CYFIP2: variants seen among roughly 807,000 people sequenced by gnomAD.
The protein encoded by CYFIP2 is cytoplasmic FMR1 interacting protein 2.
In CYFIP2, 29 loss-of-function variants were observed where a neutral mutation model predicts 158.7. That is an observed-to-expected ratio of 0.18 (90% CI 0.14 to 0.25). The LOEUF (loss-of-function observed/expected upper bound fraction) is 0.25. Among genes scored for constraint, CYFIP2 ranks in the 10% least tolerant of loss-of-function variants. The pLI is 1.00. For missense variants in CYFIP2, 852 were observed against 1,639.5 expected, an observed-to-expected ratio of 0.52 and a Z score of 8.29; for synonymous variants, 585 against 617.6, an observed-to-expected ratio of 0.95 and a Z score of 0.78.
chr5:157,351,134 C>T (rs543065042), intron 23 of CYFIP2, among the ~76,000 whole-genome samples: 56 of 152,148 alleles, frequency 3.7e-4, no homozygotes, highest in African/African-American at 1.2e-3. Context: ...TTCCAGTTCT[C>T]GGGGGAAATT....
Position 157,327,885 on chromosome 5 carries a change from C to G in CYFIP2, c.2080-88C>G, listed in dbSNP as rs534631958. ...TTCCCCAGAATGCACTCTGGGCAATCCTGCCTGACTGCTGTCTTTCAGTTG... is the reference window on the plus strand; with the variant it reads ...TTCCCCAGAATGCACTCTGGGCAATGCTGCCTGACTGCTGTCTTTCAGTTG... On this transcript the variant is annotated intron_variant, in intron 18 of 30. Transcript: ENST00000620254. 46 of 1,294,358 alleles carry G rather than the reference C, an allele frequency of 3.6e-5. No individual in the cohort carries two copies. The South Asian group carries it at 5.6e-4, about 16-fold the overall frequency. The allele number at this position is 1,294,358 out of a possible 1,614,324, so 80.2% of individuals were successfully genotyped here.
At position 157,389,295 on chromosome 5, in the gene CYFIP2, AC is replaced by A; in HGVS notation, c.3318del (p.Ile1107SerfsTer50). ...ILTRIRSYLQ[D>X]PIWRGPPPTN... ...ACCCGCATTCGGAGCTACCTGCAGG[AC>A]CCCATCTGGCGGGGCCCACCGCCCA... On this transcript the variant is annotated frameshift_variant, in exon 29 of 31. Transcript: ENST00000620254. LOFTEE classifies it high-confidence loss of function. 6.2e-7 allele frequency: 1 copy of A among 1,613,956 alleles called. No homozygotes were observed. The highest frequency in any genetic ancestry group is 8.5e-7 in the Non-Finnish European group (1 of 1,179,888).
intron 26 of CYFIP2, among the ~76,000 whole-genome samples, chr5:157,380,328 G>GT (rs1765925983): frequency 6.6e-6 from 1 of 152,234 alleles, no homozygotes; most frequent in South Asian, 2.1e-4. Context: ...CAAGAAAGGG[G>GT]TCTTTTCAGG....
intron 11 of CYFIP2, among the ~76,000 whole-genome samples, chr5:157,313,218 C>T (rs1204611448): frequency 2.0e-5 from 3 of 152,228 alleles, no homozygotes; most frequent in East Asian, 1.9e-4. Context: ...CTGGTCACAA[C>T]ATTTTCATCA....
rs570907687 is a variant in CYFIP2, at chr5:157,311,087, G to A, written c.993-577G>A. The stretch of plus-strand genomic sequence containing the variant: ...AGAGGGTGGAAAGAGAAGGAGAGAA[G>A]GGGGCGAGAGGTAGAGGGGGTGGGT... On this transcript the variant is annotated intron_variant, in intron 10 of 30. Coordinates refer to ENST00000620254, the MANE Select transcript of CYFIP2 (RefSeq NM_001037333.3). This position sits in a 1 kb window ranked among gnomAD's most constrained non-coding sequence, Gnocchi z 4.7. 2.5e-4 allele frequency: 114 copies of A among 454,646 alleles called. No individual in the cohort carries two copies. The highest frequency in any genetic ancestry group is 7.4e-4 in the Middle Eastern group (2 of 2,718). The allele number at this position is 454,646 out of a possible 1,614,324, so 28.2% of individuals were successfully genotyped here. A position where few individuals can be genotyped will look rare whatever the true frequency, so the allele number is the denominator to read the frequency against.
intron 23 of CYFIP2, among the ~76,000 whole-genome samples, chr5:157,346,921 C>T (rs954874741): frequency 2.6e-5 from 4 of 152,184 alleles, no homozygotes; most frequent in East Asian, 1.9e-4. Flanking sequence ...CATAAAGGGC[C>T]GTCTGGCTTT....
chr5:157,275,904 A>G (rs1371356319), intron 1 of CYFIP2, among the ~76,000 whole-genome samples: 1 of 152,104 alleles, frequency 6.6e-6, no homozygotes, highest in Non-Finnish European at 1.5e-5. Flanking sequence ...ATTATTTTTG[A>G]TGCTACTATA....
chr5:157,325,300 C>T (rs1222020307), intron 16 of CYFIP2, among the ~76,000 whole-genome samples, 182 bp from the exon 17 acceptor site: 1 of 152,092 alleles, frequency 6.6e-6, no homozygotes, highest in Non-Finnish European at 1.5e-5. Context: ...TTAACAAATG[C>T]TTGAGAGGCA....
chr5:157,294,447 G>C (rs572116595), intron 3 of CYFIP2, among the ~76,000 whole-genome samples: 8 of 152,192 alleles, frequency 5.3e-5, no homozygotes, highest in African/African-American at 1.9e-4. Context: ...TTTGCTACTT[G>C]CTTATTTTCT....
chr5:157,393,071 C>T lies in CYFIP2; in HGVS notation c.*71C>T. 1 of 1,557,758 alleles carries T rather than the reference C, an allele frequency of 6.4e-7. No individual in the cohort carries two copies. The highest frequency in any genetic ancestry group is 8.7e-7 in the Non-Finnish European group (1 of 1,148,628). On this transcript the variant is annotated 3_prime_UTR_variant, in exon 31 of 31. Coordinates refer to ENST00000620254, the MANE Select transcript of CYFIP2 (RefSeq NM_001037333.3). ...GAGAGAGAAAGCCACAGCCAGCCTG[C>T]CATAGGATCCAACTGGACAACGTGT... is the stretch of plus-strand genomic sequence containing the variant.
At chr5:157,337,844 G>A (rs1213116562) in intron 21 of CYFIP2, among the ~76,000 whole-genome samples, 1 of 152,202 alleles carries the variant, frequency 6.6e-6, no homozygotes, top group Non-Finnish European at 1.5e-5. Context: ...CACAGCTCTT[G>A]CATCCTTGTT....
chr5:157,339,054 C>A lies in CYFIP2; in HGVS notation c.2386-3C>A. On this transcript the variant is annotated splice_region_variant and splice_polypyrimidine_tract_variant and intron_variant, in intron 21 of 30. Coordinates refer to ENST00000620254, the MANE Select transcript of CYFIP2 (RefSeq NM_001037333.3). ...AGCAGTTGTGGGCTCTCTCTCTGTA[C>A]AGGAGCTGGAGTGGCTGCTGGAGAT... is the stretch of plus-strand genomic sequence containing the variant. 1 of 1,609,286 alleles carries A rather than the reference C, an allele frequency of 6.2e-7. No homozygotes were observed. Among genetic ancestry groups the A allele is most frequent in the South Asian group, 1.1e-5 (1 of 90,280 alleles).
At chr5:157,330,444 G>C (rs534254701) in intron 19 of CYFIP2, among the ~76,000 whole-genome samples, 3 of 152,240 alleles carry the variant, frequency 2.0e-5, no homozygotes, top group African/African-American at 4.8e-5. Context: ...TACCCAGAAT[G>C]TTTCCTGGGA....
rs778648138 is a variant in CYFIP2, at chr5:157,389,279, C to T, written c.3298C>T (p.Arg1100Trp). The T allele has an allele frequency of 4.3e-6, 7 of 1,614,068 alleles. No individual in the cohort carries two copies. The highest frequency in any genetic ancestry group is 1.7e-5 in the Admixed American group (1 of 60,038). Residue 1100 changes from arginine to tryptophan, a missense_variant, in exon 29 of 31, where the codon CGG (arginine) becomes TGG (tryptophan). By Grantham distance (101) the Arg-to-Trp change is moderately radical. Transcript: ENST00000620254. ...SMFEVILTRI[R>W]SYLQDPIWRG... ...GTTCGAGGTCATCCTGACCCGCATT[C>T]GGAGCTACCTGCAGGACCCCATCTG...
chr5:157,313,414 A>G (rs1359941245), intron 11 of CYFIP2, among the ~76,000 whole-genome samples: 2 of 152,240 alleles, frequency 1.3e-5, no homozygotes, highest in Non-Finnish European at 2.9e-5. Flanking sequence ...GGAACGCTAT[A>G]TAGCGCATTA....
chr5:157,298,292 A>G (rs540469431), intron 5 of CYFIP2, among the ~76,000 whole-genome samples: 2 of 152,262 alleles, frequency 1.3e-5, no homozygotes, highest in East Asian at 1.9e-4. Flanking sequence ...AGTTGTTAAT[A>G]TATTCACAGA....
intron 23 of CYFIP2, chr5:157,343,602 A>G: frequency 7.6e-7 from 1 of 1,317,314 alleles, no homozygotes; most frequent in Non-Finnish European, 1.0e-6. Flanking sequence ...TATTTATCAT[A>G]ATCATAGCCA....
rs752822676 is a variant in CYFIP2, at chr5:157,285,430, C to G, written c.69C>G (p.Pro23=). ...NVDLLEELPL[P]DQQPCIEPPP... is the part of the protein sequence containing the mutation. ...ACCTGCTTGAAGAGCTTCCCCTCCC[C>G]GACCAGCAGCCATGCATCGAGCCTC... is the stretch of plus-strand genomic sequence containing the variant. The change falls in exon 2 of 31, where the codon CCC becomes CCG. Residue 23 remains proline, a synonymous_variant. Transcript: ENST00000620254. 9.7e-5 allele frequency: 153 copies of G among 1,581,950 alleles called. No individual in the cohort carries two copies. The highest frequency in any genetic ancestry group is 1.2e-4 in the Non-Finnish European group (142 of 1,164,492).
At chr5:157,391,170 G>C (rs1380399314) in intron 30 of CYFIP2, among the ~76,000 whole-genome samples, 1 of 152,116 alleles carries the variant, frequency 6.6e-6, no homozygotes. Context: ...TATGGGGCGG[G>C]TAGGATGCTC....
Sources: gnomAD v4.1 joint callset for allele counts (sites outside exome capture counted in the v4.1 genomes callset) on GRCh38, gnomAD v4.1.1 for gene constraint, Gnocchi (gnomAD v3.1) non-coding constraint, MANE v1.5 for transcripts, NCBI Gene and HGNC (gene_info 2026-07-23, HGNC 2026-07-21) for gene names.